DMRTB1: variants seen among roughly 807,000 people sequenced by gnomAD.
DMRTB1 encodes doublesex- and mab-3-related transcription factor B1.
A neutral mutation model predicts 25.2 loss-of-function variants in DMRTB1; 9 were observed. That is an observed-to-expected ratio of 0.36 (90% confidence interval 0.22 to 0.62). The LOEUF is 0.62. Among genes scored for constraint, DMRTB1 ranks in the 20% least tolerant of loss-of-function variants. The pLI is 0.71. For missense variants in DMRTB1, 551 were observed against 499.3 expected, an observed-to-expected ratio of 1.10 and a Z score of -0.99; for synonymous variants, 269 against 238.1, an observed-to-expected ratio of 1.13 and a Z score of -1.20.
At chr1:53,460,102 G>A in intron 1 of DMRTB1, 72 bp downstream of exon 1, 1 of 1,460,862 alleles carries the variant, frequency 6.8e-7, no homozygotes. Context: ...TGGGGAGCTG[G>A]CATAGGGGTT....
chr1:53,460,065 G>C, intron 1 of DMRTB1, 35 bp downstream of exon 1: 1 of 1,520,680 alleles, frequency 6.6e-7, no homozygotes, highest in Non-Finnish European at 8.8e-7. Context: ...GTCGACTCCC[G>C]GAGCTGGCAG....
chr1:53,464,702 GCCCCTTCCA>G lies in DMRTB1; in HGVS notation c.819_827del (p.Leu277_Pro279del), dbSNP rs1557923525. On this transcript the variant is annotated inframe_deletion, in exon 3 of 4. Transcript: ENST00000371445. ...TGCCGCCGCCGCCGCCGCCACTGCC[GCCCCTTCCA>G]CCGCTTCCACCGCAGCCCCAGTTCC... The G allele has an allele frequency of 6.2e-7, 1 of 1,613,106 alleles. No homozygotes were observed. Among genetic ancestry groups the G allele is most frequent in the East Asian group, 2.2e-5 (1 of 44,868 alleles).
chr1:53,464,409 G>A (rs1000546510), intron 2 of DMRTB1, among the ~76,000 whole-genome samples: 2 of 152,164 alleles, frequency 1.3e-5, no homozygotes, highest in Admixed American at 6.5e-5. Context: ...CACTGTGACC[G>A]TTCAGCTGTT....
chr1:53,465,353 C>G (rs1455622941), intron 3 of DMRTB1, among the ~76,000 whole-genome samples: 1 of 152,090 alleles, frequency 6.6e-6, no homozygotes, highest in Non-Finnish European at 1.5e-5. Flanking sequence ...GAGAATCTGT[C>G]CTTCACAAGC....
In DMRTB1 at chr1:53,464,777, G is replaced by A. The variant is rs748199064; in HGVS notation, c.891G>A (p.Pro297=). 6 of 1,520,634 alleles carry A rather than the reference G, an allele frequency of 3.9e-6. No individual in the cohort carries two copies. Among genetic ancestry groups the A allele is most frequent in the Non-Finnish European group, 4.5e-6 (5 of 1,100,110 alleles). The allele number at this position is 1,520,634 out of a possible 1,614,324, so 94.2% of individuals were successfully genotyped here. A position where few individuals can be genotyped will look rare whatever the true frequency, so the allele number is the denominator to read the frequency against. Residue 297 remains proline, a synonymous_variant, in exon 3 of 4, where the codon CCG becomes CCA. Transcript: ENST00000371445. ...GYLSALHFLP[P]PPPPPPPSSF... Reference sequence around the variant, plus strand: ...TCTCTGCGCTCCACTTCCTCCCCCCGCCACCGCCACCACCACCTCCATCAT... The same window carrying A: ...TCTCTGCGCTCCACTTCCTCCCCCCACCACCGCCACCACCACCTCCATCAT...
chr1:53,459,442 C>T lies in DMRTB1; in HGVS notation c.-12C>T, dbSNP rs561659855. ...AGAGGTGGTGGTTGTGTTACGAAGG[C>T]TGACCCTGCCAATGGCCGACAAAAT... On this transcript the variant is annotated 5_prime_UTR_variant, in exon 1 of 4. Coordinates refer to ENST00000371445, the MANE Select transcript of DMRTB1 (RefSeq NM_033067.3). 1.6e-5 allele frequency: 25 copies of T among 1,612,900 alleles called. No homozygotes were observed. The East Asian group carries it at 5.1e-4, about 33-fold the overall frequency.
At position 53,460,005 on chromosome 1, in the gene DMRTB1, G is replaced by A. The variant is rs774863532; in HGVS notation, c.552G>A (p.Val184=). 5 of 1,582,778 alleles carry A rather than the reference G, an allele frequency of 3.2e-6. No homozygotes were observed. Among genetic ancestry groups the A allele is most frequent in the Non-Finnish European group, 4.3e-6 (5 of 1,173,388 alleles). The change falls in exon 1 of 4, where the codon GTG becomes GTA. Residue 184 remains valine (V), a synonymous_variant. Transcript: ENST00000371445. ...PLDLRRPMRT[V]PGPLFTDFVR... ...ACCTGCGCAGGCCGATGCGGACCGTGCCCGGCCCACTGTTCACCGACTTTG... is the reference window on the plus strand; with the variant it reads ...ACCTGCGCAGGCCGATGCGGACCGTACCCGGCCCACTGTTCACCGACTTTG...
chr1:53,462,686 G>T (rs1644028708), intron 2 of DMRTB1, among the ~76,000 whole-genome samples: 1 of 152,248 alleles, frequency 6.6e-6, no homozygotes, highest in Non-Finnish European at 1.5e-5. Flanking sequence ...CAAAACTGGT[G>T]AGAGAGAGAC....
chr1:53,464,896 C>G (rs748393160), intron 3 of DMRTB1, 49 bp downstream of exon 3: 3 of 1,609,896 alleles, frequency 1.9e-6, no homozygotes, highest in East Asian at 2.2e-5. Flanking sequence ...GGGAGACTTT[C>G]TGGAGGAAGA....
rs1393521574 is a variant in DMRTB1 at position 53,459,886 on chromosome 1, G to A, written c.433G>A (p.Glu145Lys). ...QPVLGGRSHV[E>K]PSERAAVAMP... ...GGTTCTGGGCGGCCGCAGCCACGTGGAGCCGAGCGAGCGAGCCGCCGTGGC... is the reference window on the plus strand; with the variant it reads ...GGTTCTGGGCGGCCGCAGCCACGTGAAGCCGAGCGAGCGAGCCGCCGTGGC... Residue 145 changes from glutamate to lysine, a missense_variant, in exon 1 of 4, where the codon GAG (glutamate) becomes AAG (lysine). Physicochemically the swap from Glu to Lys is moderately conservative, Grantham distance 56. Transcript: ENST00000371445. 3 of 1,522,446 alleles carry A rather than the reference G, an allele frequency of 2.0e-6. No homozygotes were observed. The highest frequency in any genetic ancestry group is 2.4e-5 in the South Asian group (2 of 83,256). The allele number at this position is 1,522,446 out of a possible 1,614,324, so 94.3% of individuals were successfully genotyped here.
Position 53,459,416 on chromosome 1 carries a change from C to CA in DMRTB1, c.-37dup. ...CCAGCGCCACTTGCTCTGCAGCTCC[C>CA]AGAGGTGGTGGTTGTGTTACGAAGG... On this transcript the variant is annotated 5_prime_UTR_variant, in exon 1 of 4. Transcript: ENST00000371445. 6.2e-7 allele frequency: 1 copy of CA among 1,612,490 alleles called. No individual in the cohort carries two copies. Among genetic ancestry groups the CA allele is most frequent in the Non-Finnish European group, 8.5e-7 (1 of 1,179,814 alleles).
intron 2 of DMRTB1, among the ~76,000 whole-genome samples, chr1:53,463,019 G>C (rs992712970): frequency 8.5e-5 from 13 of 152,262 alleles, no homozygotes; most frequent in Non-Finnish European, 1.5e-5. Context: ...CCTTTGTTAA[G>C]AGTGTGATCT....
At chr1:53,461,941 G>A (rs1644025316) in intron 2 of DMRTB1, among the ~76,000 whole-genome samples, 1 of 152,140 alleles carries the variant, frequency 6.6e-6, no homozygotes, top group Admixed American at 6.5e-5. Context: ...GCTGATGCTA[G>A]AAGGGCCCTT....
intron 1 of DMRTB1, among the ~76,000 whole-genome samples, chr1:53,460,860 C>T (rs550839040): frequency 5.1e-4 from 77 of 152,306 alleles, no homozygotes; most frequent in Middle Eastern, 6.8e-3. Flanking sequence ...GGGCACTGGT[C>T]CGGAGGCTCC....
chr1:53,465,877 C>T (rs1644047358), intron 3 of DMRTB1, among the ~76,000 whole-genome samples: 1 of 152,226 alleles, frequency 6.6e-6, no homozygotes, highest in South Asian at 2.1e-4. Context: ...ATGGTCCCTA[C>T]CTCATGAGGA....
In DMRTB1 at chr1:53,461,617, C is replaced by A; in HGVS notation, c.722C>A (p.Ser241Tyr). 1 of 1,606,126 alleles carries A rather than the reference C, an allele frequency of 6.2e-7. No individual in the cohort carries two copies. Among genetic ancestry groups the A allele is most frequent in the Non-Finnish European group, 8.5e-7 (1 of 1,176,896 alleles). The change falls in exon 2 of 4, where the codon TCC becomes TAC. Residue 241 changes from serine (S) to tyrosine (Y), a missense_variant. Ser to Tyr is a moderately radical substitution (Grantham distance 144). Coordinates refer to ENST00000371445, the MANE Select transcript of DMRTB1 (RefSeq NM_033067.3). The part of the protein sequence containing the change: ...VPLQQGFRHV[S>Y]RSQYQGGGLV... ...CTGCAGCAGGGCTTCCGGCATGTGT[C>A]CCGCAGCCAGTACCAAGGCGGAGGC... is the stretch of plus-strand genomic sequence containing the variant.
rs1357360652 is a variant in DMRTB1 at position 53,459,606 on chromosome 1, C to T, written c.153C>T (p.Ala51=). ...TCTCCGAGCGCCAGAAGATCATGGC[C>T]GCGCAGAAGGTGCTCAAGACGCAGG... ...YLISERQKIM[A]AQKVLKTQAA... The change falls in exon 1 of 4, where the codon GCC becomes GCT. Residue 51 remains alanine, a synonymous_variant. Coordinates refer to ENST00000371445, the MANE Select transcript of DMRTB1 (RefSeq NM_033067.3). 1.3e-6 allele frequency: 2 copies of T among 1,587,922 alleles called. No individual in the cohort carries two copies. The highest frequency in any genetic ancestry group is 2.3e-5 in the East Asian group (1 of 43,602).
Position 53,467,071 on chromosome 1 carries a change from G to A in DMRTB1, c.*409G>A. The stretch of plus-strand genomic sequence containing the variant: ...CTGCCTTTGCCTGGTCCTCCAGGTT[G>A]CTGGGGGCACCACAGACATCAAGAT... On this transcript the variant is annotated 3_prime_UTR_variant, in exon 4 of 4. Coordinates refer to ENST00000371445, the MANE Select transcript of DMRTB1 (RefSeq NM_033067.3). 5.9e-6 allele frequency: 1 copy of A among 170,758 alleles called. No homozygotes were observed. The highest frequency in any genetic ancestry group is 1.3e-5 in the Non-Finnish European group (1 of 79,172). 10.6% of individuals were successfully genotyped at this position (170,758 alleles called of 1,614,324 possible).
chr1:53,462,950 A>G (rs1320201366), intron 2 of DMRTB1, among the ~76,000 whole-genome samples: 2 of 152,198 alleles, frequency 1.3e-5, no homozygotes, highest in East Asian at 3.8e-4. Context: ...GTCTGCTCAC[A>G]CAGAAGTCTG....
Sources: allele counts gnomAD v4.1 joint callset (sites outside exome capture counted in the v4.1 genomes callset), GRCh38; gene constraint gnomAD v4.1.1; transcripts MANE v1.5; gene names NCBI Gene and HGNC (gene_info 2026-07-23, HGNC 2026-07-21).